DPYD: variants seen among roughly 807,000 people sequenced by gnomAD.
The protein encoded by DPYD is dihydropyrimidine dehydrogenase, also known as dihydropyrimidine dehydrogenase [NADP(+)].
DPYD carries 109 observed loss-of-function variants against 116.2 expected under a neutral mutation model. The observed-to-expected ratio is 0.94, with a 90% CI of 0.80 to 1.10. DPYD has a LOEUF of 1.10. DPYD is among the 50% of genes least tolerant of loss of function. The probability of loss-of-function intolerance (pLI) is 0.00; values close to 1 mark genes in which losing one functional copy is unlikely to be tolerated. For synonymous variants in DPYD, 440 were observed against 432.0 expected (o/e 1.02, Z -0.23); for missense variants, 1,302 against 1,254.5 (o/e 1.04, Z -0.57).
At chr1:97,478,883 G>A (rs1463249599) in intron 13 of DPYD, among the ~76,000 whole-genome samples, 1 of 152,192 alleles carries the variant, frequency 6.6e-6, no homozygotes, top group East Asian at 1.9e-4. Flanking sequence ...GCTTCGCCTT[G>A]TAATTTTATG....
chr1:97,860,889 A>G (rs965320994), intron 2 of DPYD, among the ~76,000 whole-genome samples: 2 of 152,006 alleles, frequency 1.3e-5, no homozygotes, highest in East Asian at 1.9e-4. Context: ...GTAAAAAAAA[A>G]GGAGGGACTT....
chr1:97,300,651 A>T (rs1666807860), intron 18 of DPYD, among the ~76,000 whole-genome samples: 1 of 152,034 alleles, frequency 6.6e-6, no homozygotes, highest in Admixed American at 6.6e-5. Flanking sequence ...CATCTCCCTG[A>T]TTTTACACAA....
rs189885494 is a variant in DPYD, at chr1:97,459,289, A to T, written c.1741-9066T>A. ...AAACATGATCTAGAGGTTAAGAGAC[A>T]TGGAGAATAGCTTAACAAGGTAAAG... On this transcript the variant is annotated intron_variant, in intron 13 of 22. Coordinates refer to ENST00000370192, the MANE Select transcript of DPYD (RefSeq NM_000110.4). Among the ~76,000 whole-genome samples the T allele has an allele frequency of 1.2e-4, 18 of 152,278 alleles. 3 individuals are homozygous for T. The highest frequency in any genetic ancestry group is 4.3e-4 in the African/African-American group (18 of 41,578).
chr1:97,240,431 CTGTT>C (rs1392277337), intron 18 of DPYD, among the ~76,000 whole-genome samples: 2 of 151,862 alleles, frequency 1.3e-5, no homozygotes, highest in Non-Finnish European at 1.5e-5. Flanking sequence ...GAGTTTAATT[CTGTT>C]TGTCTTTCTC....
At chr1:97,468,495 A>G (rs1361463923) in intron 13 of DPYD, among the ~76,000 whole-genome samples, 1 of 152,152 alleles carries the variant, frequency 6.6e-6, no homozygotes, top group Admixed American at 6.5e-5. Context: ...ATGTTAACAG[A>G]AAGTGTGCCT....
intron 8 of DPYD, among the ~76,000 whole-genome samples, chr1:97,600,746 C>T (rs1055389971): frequency 6.6e-6 from 1 of 152,050 alleles, no homozygotes; most frequent in African/African-American, 2.4e-5. Flanking sequence ...TTCCTTAAAG[C>T]CTTTGTTTGA....
intron 3 of DPYD, among the ~76,000 whole-genome samples, chr1:97,788,087 T>C (rs2101249812): frequency 6.6e-6 from 1 of 152,244 alleles, no homozygotes; most frequent in South Asian, 2.1e-4. Context: ...CCCATGAAGA[T>C]ATATAGAGAG....
chr1:97,597,027 G>A (rs2102265309), intron 8 of DPYD, among the ~76,000 whole-genome samples: 1 of 152,238 alleles, frequency 6.6e-6, no homozygotes, highest in Non-Finnish European at 1.5e-5. Flanking sequence ...ATATAAATGG[G>A]TGGCCGTTTA....
intron 8 of DPYD, among the ~76,000 whole-genome samples, chr1:97,614,391 T>A (rs1656140448): frequency 6.6e-6 from 1 of 152,132 alleles, no homozygotes; most frequent in Non-Finnish European, 1.5e-5. Flanking sequence ...AGATATTATG[T>A]GAATGATATT....
At chr1:97,366,370 A>C (rs1671040894) in intron 16 of DPYD, among the ~76,000 whole-genome samples, 1 of 152,216 alleles carries the variant, frequency 6.6e-6, no homozygotes, top group South Asian at 2.1e-4. Context: ...AAAATAAAAT[A>C]GGATGAATCC....
intron 2 of DPYD, among the ~76,000 whole-genome samples, chr1:97,880,035 T>C (rs539037826): frequency 9.9e-5 from 15 of 151,650 alleles, no homozygotes; most frequent in Admixed American, 8.6e-4. Flanking sequence ...TATCTATATA[T>C]AGAGAGAGAT....
chr1:97,097,872 G>C (rs1349165190), intron 21 of DPYD, among the ~76,000 whole-genome samples: 1 of 151,962 alleles, frequency 6.6e-6, no homozygotes, highest in Admixed American at 6.6e-5. Context: ...CTGGATAAAG[G>C]GTACACAAGA....
intron 13 of DPYD, among the ~76,000 whole-genome samples, chr1:97,454,937 C>T (rs1676603135): frequency 6.6e-6 from 1 of 151,670 alleles, no homozygotes; most frequent in Non-Finnish European, 1.5e-5. Flanking sequence ...GCTACATATA[C>T]CATAGTGGAT....
chr1:97,738,485 G>T (rs75901668), intron 4 of DPYD, among the ~76,000 whole-genome samples: 4 of 152,026 alleles, frequency 2.6e-5, no homozygotes, highest in Non-Finnish European at 5.9e-5. Context: ...TCAAAGAGGC[G>T]CAAGGCTCAT....
chr1:97,098,919 T>C (rs764528863), intron 20 of DPYD, among the ~76,000 whole-genome samples: 1 of 152,094 alleles, frequency 6.6e-6, no homozygotes, highest in Non-Finnish European at 1.5e-5. Flanking sequence ...AAGTTCACAA[T>C]GGCAAACCAA....
chr1:97,263,960 T>C (rs943691252), intron 18 of DPYD, among the ~76,000 whole-genome samples: 1 of 152,080 alleles, frequency 6.6e-6, no homozygotes, highest in African/African-American at 2.4e-5. Context: ...CAAGTACTTA[T>C]AACATGGCTG....
chr1:97,444,786 G>A (rs990326218), intron 14 of DPYD, among the ~76,000 whole-genome samples: 11 of 152,038 alleles, frequency 7.2e-5, no homozygotes, highest in Non-Finnish European at 1.2e-4. Flanking sequence ...CTTAACCGGC[G>A]GTCCAGAAAC....
At chr1:97,558,077 A>T (rs1651876496) in intron 11 of DPYD, among the ~76,000 whole-genome samples, 1 of 152,212 alleles carries the variant, frequency 6.6e-6, no homozygotes, top group Non-Finnish European at 1.5e-5. Context: ...GGGAATAACT[A>T]AAGTGAAGAC....
intron 2 of DPYD, among the ~76,000 whole-genome samples, chr1:97,875,316 A>T (rs1465717396): frequency 6.6e-6 from 1 of 152,010 alleles, no homozygotes; most frequent in Non-Finnish European, 1.5e-5. Flanking sequence ...TGGAACTATC[A>T]TAAGAATCAT....
Sources: gnomAD v4.1 joint callset for allele counts (sites outside exome capture counted in the v4.1 genomes callset) on GRCh38, gnomAD v4.1.1 for gene constraint, MANE v1.5 for transcripts, NCBI Gene and HGNC (gene_info 2026-07-23, HGNC 2026-07-21) for gene names.